SPAG16: variants seen among roughly 807,000 people sequenced by gnomAD.
SPAG16 encodes the protein sperm associated antigen 16, also known as sperm-associated antigen 16 protein.
In SPAG16, 86 loss-of-function variants were observed where a neutral mutation model predicts 80.4. That is an observed-to-expected ratio of 1.07 (90% confidence interval 0.90 to 1.28). The LOEUF is 1.28. SPAG16 is among the 50% of genes most tolerant of loss of function. SPAG16 has a pLI of 0.00. For missense variants in SPAG16, 870 were observed against 765.3 expected, an observed-to-expected ratio of 1.14 and a Z score of -1.61; for synonymous variants, 294 against 265.9, an observed-to-expected ratio of 1.11 and a Z score of -1.03.
chr2:213,935,838 C>T (rs888804089), intron 12 of SPAG16, among the ~76,000 whole-genome samples: 1 of 152,162 alleles, frequency 6.6e-6, no homozygotes, highest in Non-Finnish European at 1.5e-5. Context: ...TGAGCACTTA[C>T]TTCGTTCTAT....
intron 8 of SPAG16, among the ~76,000 whole-genome samples, chr2:213,369,231 C>T (rs1174171814): frequency 1.3e-5 from 2 of 151,936 alleles, no homozygotes; most frequent in Non-Finnish European, 2.9e-5. Flanking sequence ...TTTCTTTGGT[C>T]AAAAAAGTAT....
intron 15 of SPAG16, among the ~76,000 whole-genome samples, chr2:214,295,652 G>A (rs553593050): frequency 1.9e-4 from 29 of 152,164 alleles, no homozygotes; most frequent in Admixed American, 6.5e-4. Context: ...TTAACCAGGC[G>A]TGGTGGCACA....
intron 5 of SPAG16, among the ~76,000 whole-genome samples, chr2:213,327,263 C>T (rs78733093): frequency 0.014 from 2,166 of 150,968 alleles, 23 homozygotes; most frequent in South Asian, 0.038. Flanking sequence ...AAACTTTATT[C>T]TTTAGTACAA....
intron 11 of SPAG16, among the ~76,000 whole-genome samples, chr2:213,872,575 G>T (rs1023374464): frequency 6.6e-6 from 1 of 151,966 alleles, no homozygotes; most frequent in African/African-American, 2.4e-5. Flanking sequence ...AGATACCTTT[G>T]ATTGTTTTTT....
intron 12 of SPAG16, among the ~76,000 whole-genome samples, chr2:213,968,055 A>C (rs1453739483): frequency 6.6e-6 from 1 of 152,018 alleles, no homozygotes; most frequent in African/African-American, 2.4e-5. Flanking sequence ...TTATTTAACT[A>C]CAAATTCAAA....
At chr2:213,995,483 A>G (rs566557289) in intron 12 of SPAG16, among the ~76,000 whole-genome samples, 10 of 152,162 alleles carry the variant, frequency 6.6e-5, no homozygotes, top group Non-Finnish European at 1.0e-4. Flanking sequence ...TCCGTGACAC[A>G]TGAGTCTCTG....
intron 10 of SPAG16, among the ~76,000 whole-genome samples, chr2:213,733,525 G>A (rs984674387): frequency 2.3e-5 from 3 of 133,118 alleles, no homozygotes; most frequent in African/African-American, 8.7e-5. Context: ...TTTTTGGTGT[G>A]TGTCTTCATG....
chr2:213,604,693 C>G (rs1242705950), intron 10 of SPAG16, among the ~76,000 whole-genome samples: 4 of 151,776 alleles, frequency 2.6e-5, no homozygotes, highest in Non-Finnish European at 5.9e-5. Context: ...TTCTCTTTTA[C>G]CTTTCCCTTC....
chr2:213,460,035 A>T (rs1348602861), intron 9 of SPAG16, among the ~76,000 whole-genome samples: 1 of 152,230 alleles, frequency 6.6e-6, no homozygotes, highest in Non-Finnish European at 1.5e-5. Context: ...CAGAGATTTC[A>T]GTCCCTCCAC....
At position 213,364,860 on chromosome 2, in the gene SPAG16, A is replaced by G. The variant is rs143784588; in HGVS notation, c.832+715A>G. On this transcript the variant is annotated intron_variant, in intron 8 of 15. Transcript: ENST00000331683. ...GATGCGAAACATTGCAAATCTGGCC[A>G]TGCCTGGGTGGAAAGACCTCTTTCA... 3 of 152,362 alleles carry G rather than the reference A, an allele frequency of 2.0e-5. No individual in the cohort carries two copies. The East Asian group carries it at 5.8e-4, about 29-fold the overall frequency. 9.4% of individuals were successfully genotyped at this position (152,362 alleles called of 1,614,324 possible). A position where few individuals can be genotyped will look rare whatever the true frequency, so the allele number is the denominator to read the frequency against.
Position 213,822,647 on chromosome 2 carries a change from G to A in SPAG16, c.1071-39838G>A, listed in dbSNP as rs554995160. 2.0e-4 allele frequency among the ~76,000 whole-genome samples: 30 copies of A among 152,060 alleles called. No homozygotes were observed. The South Asian group carries it at 2.9e-3, about 15-fold the overall frequency. On this transcript the variant is annotated intron_variant, in intron 10 of 15. Coordinates refer to ENST00000331683, the MANE Select transcript of SPAG16 (RefSeq NM_024532.5). ...AAAAAATGAGATACATGTACAGAAC[G>A]TGCAGGTTTGTTACGTAAGTACACG...
intron 10 of SPAG16, among the ~76,000 whole-genome samples, chr2:213,754,086 C>G (rs1391059442): frequency 1.5e-4 from 23 of 152,090 alleles, no homozygotes; most frequent in Admixed American, 1.4e-3. Flanking sequence ...TGGTCAAAAA[C>G]TAAGATAATT....
At chr2:213,851,302 G>T (rs2662665) in intron 10 of SPAG16, among the ~76,000 whole-genome samples, 3,837 of 152,120 alleles carry the variant, frequency 0.025, 160 homozygotes, top group African/African-American at 0.087. Context: ...TTGAGGTCAG[G>T]AGTTCGAGAC....
At chr2:214,164,032 T>A (rs532150833) in intron 15 of SPAG16, among the ~76,000 whole-genome samples, 1 of 152,242 alleles carries the variant, frequency 6.6e-6, no homozygotes, top group Non-Finnish European at 1.5e-5. Flanking sequence ...CCTATCCAAA[T>A]TGACATATAA....
At chr2:214,120,611 C>G (rs2125453808) in intron 14 of SPAG16, among the ~76,000 whole-genome samples, 1 of 151,794 alleles carries the variant, frequency 6.6e-6, no homozygotes, top group East Asian at 1.9e-4. Flanking sequence ...ATTGTTGTAC[C>G]CAATGAGTAA....
chr2:214,211,934 G>C (rs76659448), intron 15 of SPAG16, among the ~76,000 whole-genome samples: 11,749 of 151,972 alleles, frequency 0.077, 526 homozygotes, highest in African/African-American at 0.12. Context: ...ACTTCTCCTG[G>C]CCTCCAATTT....
chr2:213,384,704 G>C (rs957507249), intron 9 of SPAG16, among the ~76,000 whole-genome samples: 2 of 152,124 alleles, frequency 1.3e-5, no homozygotes, highest in Admixed American at 1.3e-4. Flanking sequence ...GTGAAAACTG[G>C]CTAAGATCTG....
At chr2:213,971,485 A>T (rs888192454) in intron 12 of SPAG16, among the ~76,000 whole-genome samples, 8 of 149,492 alleles carry the variant, frequency 5.4e-5, no homozygotes, top group Non-Finnish European at 1.1e-4. Flanking sequence ...TATTTTTATT[A>T]TGTTAAAACA....
At chr2:214,302,423 G>A (rs1694619104) in intron 15 of SPAG16, among the ~76,000 whole-genome samples, 1 of 152,064 alleles carries the variant, frequency 6.6e-6, no homozygotes, top group East Asian at 1.9e-4. Context: ...ATTTATTATT[G>A]TATTGCTGCC....
Sources: allele counts gnomAD v4.1 joint callset (sites outside exome capture counted in the v4.1 genomes callset), GRCh38; gene constraint gnomAD v4.1.1; transcripts MANE v1.5; gene names NCBI Gene and HGNC (gene_info 2026-07-23, HGNC 2026-07-21).